The following RFC3 variants were observed in gnomAD, a reference collection of about 807,000 sequenced individuals.
The protein encoded by RFC3 is replication factor C subunit 3.
A neutral mutation model predicts 45.1 loss-of-function variants in RFC3; 41 were observed. The ratio of observed to expected loss-of-function variants is 0.91; its 90% CI spans 0.71 to 1.18. The LOEUF (loss-of-function observed/expected upper bound fraction) is 1.18. RFC3 is among the 50% of genes most tolerant of loss of function. RFC3 has a pLI of 0.00. For missense variants in RFC3, 423 were observed against 428.1 expected (o/e 0.99, Z 0.10); for synonymous variants, 149 against 144.0 (o/e 1.03, Z -0.25).
At chr13:33,932,451 C>G (rs1368754166) in intron 8 of RFC3, among the ~76,000 whole-genome samples, 1 of 151,998 alleles carries the variant, frequency 6.6e-6, no homozygotes, top group African/African-American at 2.4e-5. Flanking sequence ...TTTTTGTATG[C>G]CTTTATTTAT....
At chr13:33,883,538 C>A (rs7327091) in intron 8 of RFC3, among the ~76,000 whole-genome samples, 13 of 152,052 alleles carry the variant, frequency 8.5e-5, no homozygotes, top group Admixed American at 3.9e-4. Context: ...ACACTCACAC[C>A]TGAAACAATT....
At chr13:33,826,914 C>T (rs1003525701) in intron 4 of RFC3, among the ~76,000 whole-genome samples, 2 of 152,000 alleles carry the variant, frequency 1.3e-5, no homozygotes, top group Non-Finnish European at 2.9e-5. Flanking sequence ...GGAAGTAAAG[C>T]CTTAGTGTTT....
At chr13:33,841,831 A>G (rs745560136), downstream of RFC3, among the ~76,000 whole-genome samples, 2 of 152,122 alleles carry the variant, frequency 1.3e-5, no homozygotes, top group Non-Finnish European at 2.9e-5. Context: ...TGATATTTCT[A>G]GGGTCTCTAC....
intron 8 of RFC3, among the ~76,000 whole-genome samples, chr13:33,856,594 A>T (rs1297804466): frequency 1.3e-5 from 2 of 152,196 alleles, no homozygotes; most frequent in Non-Finnish European, 2.9e-5. Flanking sequence ...CAAGTCATGG[A>T]ATACAGACAA....
intron 8 of RFC3, among the ~76,000 whole-genome samples, chr13:33,898,984 A>G (rs2082619795): frequency 1.3e-5 from 2 of 151,730 alleles, no homozygotes. Flanking sequence ...CAAACCAATA[A>G]CAAGTAATGA....
intron 8 of RFC3, among the ~76,000 whole-genome samples, chr13:33,955,248 A>C (rs559150171): frequency 6.6e-6 from 1 of 152,368 alleles, no homozygotes; most frequent in Non-Finnish European, 1.5e-5. Context: ...GTGAAATTCT[A>C]CAAACTAACC....
chr13:33,885,231 A>G (rs750711330), intron 8 of RFC3, among the ~76,000 whole-genome samples: 1 of 152,194 alleles, frequency 6.6e-6, no homozygotes, highest in Non-Finnish European at 1.5e-5. Context: ...ATATTATCAC[A>G]TCATAGAATA....
intron 8 of RFC3, among the ~76,000 whole-genome samples, chr13:33,876,007 T>C (rs1051114058): frequency 1.3e-5 from 2 of 152,216 alleles, no homozygotes; most frequent in African/African-American, 4.8e-5. Flanking sequence ...TTGATTTTGA[T>C]TATCCTAAGC....
rs1160986521 is a variant in RFC3 at position 33,925,688 on chromosome 13, T to TACAC, written c.880-40398_880-40397insCACA. ...ACAATTAAGTTAGTGTGTATGTATATATACACACACACACACACACATATA... is the reference window on the plus strand; with the variant it reads ...ACAATTAAGTTAGTGTGTATGTATATACACATACACACACACACACACACATATA... On this transcript the variant is annotated intron_variant, in intron 8 of 8. Transcript: ENST00000434425. 2.5e-3 allele frequency among the ~76,000 whole-genome samples: 352 copies of TACAC among 138,382 alleles called. 3 individuals carry two copies. Among genetic ancestry groups the TACAC allele is most frequent in the African/African-American group, 9.6e-3 (322 of 33,378 alleles). 90.8% of individuals were successfully genotyped at this position (138,382 alleles called of 152,430 possible).
At chr13:33,835,761 C>G (rs1419813059) in intron 8 of RFC3, among the ~76,000 whole-genome samples, 1 of 152,100 alleles carries the variant, frequency 6.6e-6, no homozygotes, top group Non-Finnish European at 1.5e-5. Context: ...CATAGCTTTT[C>G]CGAATATGAC....
intron 8 of RFC3, among the ~76,000 whole-genome samples, chr13:33,952,136 G>C (rs563220762): frequency 6.6e-6 from 1 of 152,336 alleles, no homozygotes; most frequent in East Asian, 1.9e-4. Flanking sequence ...TCATGGTTTA[G>C]CTTGTTTATG....
chr13:33,899,077 AAAG>A (rs2082620424), intron 8 of RFC3, among the ~76,000 whole-genome samples: 1 of 151,712 alleles, frequency 6.6e-6, no homozygotes. Context: ...CCAAACATTT[AAAG>A]AAGAACTAAC....
In RFC3 at chr13:33,836,380, GAACTT is replaced by G; in HGVS notation, c.*88_*92del. 6.5e-7 allele frequency: 1 copy of G among 1,529,360 alleles called. No individual in the cohort carries two copies. The highest frequency in any genetic ancestry group is 2.3e-5 in the East Asian group (1 of 44,010). 94.7% of individuals were successfully genotyped at this position (1,529,360 alleles called of 1,614,324 possible). A position where few individuals can be genotyped will look rare whatever the true frequency, so the allele number is the denominator to read the frequency against. Reference sequence around the variant, plus strand: ...TAAAAGAGCTGTGGGTAAATTAACTGAACTTAATCATGTCGTATTTGCGTTTTTTT... The same window carrying G: ...TAAAAGAGCTGTGGGTAAATTAACTGAATCATGTCGTATTTGCGTTTTTTT... On this transcript the variant is annotated 3_prime_UTR_variant, in exon 9 of 9. Transcript: ENST00000380071.
intron 8 of RFC3, among the ~76,000 whole-genome samples, chr13:33,887,332 A>T (rs1303831283): frequency 4.4e-4 from 66 of 151,424 alleles, no homozygotes; most frequent in Middle Eastern, 3.4e-3. Context: ...CCATTCTAAC[A>T]GGTGTGAGAT....
intron 8 of RFC3, among the ~76,000 whole-genome samples, chr13:33,908,607 TACACACACACACAC>T (rs71074991): frequency 6.3e-5 from 9 of 142,696 alleles, no homozygotes; most frequent in African/African-American, 1.3e-4. Context: ...ACACAGGAGA[TACACACACACACAC>T]ACACACACAC....
Position 33,882,042 on chromosome 13 carries a change from G to A in RFC3, c.879+46825G>A, listed in dbSNP as rs533729124. On this transcript the variant is annotated intron_variant, in intron 8 of 8. Coordinates refer to the RFC3 transcript ENST00000434425. ...TCTTAGCTAACTTCTCTGCAAATTG[G>A]GGGGAACTTTTTGTTTTGTTTTCAT... Among the ~76,000 whole-genome samples, 73 of 152,178 alleles carry A rather than the reference G, an allele frequency of 4.8e-4. 2 individuals are homozygous for A. In the South Asian group the frequency reaches 0.015, roughly 31 times the overall value.
rs779890661 is a variant in RFC3 at position 33,891,917 on chromosome 13, G to A, written c.879+56700G>A. 3.4e-4 allele frequency among the ~76,000 whole-genome samples: 52 copies of A among 152,064 alleles called. 1 individual carries two copies. The Middle Eastern group carries it at 0.027, about 80-fold the overall frequency. On this transcript the variant is annotated intron_variant, in intron 8 of 8. Coordinates refer to the RFC3 transcript ENST00000434425. ...TCAGAGGAATGCAAGGAAAATTAAC[G>A]AGACATCAGAAAATAATTTCTAGGC...
intron 8 of RFC3, among the ~76,000 whole-genome samples, chr13:33,926,839 G>A (rs1259414050): frequency 1.3e-5 from 2 of 150,900 alleles, no homozygotes; most frequent in South Asian, 2.1e-4. Flanking sequence ...ATAGGCCTAT[G>A]CTTTGATTAT....
intron 8 of RFC3, among the ~76,000 whole-genome samples, chr13:33,881,696 G>A (rs916429399): frequency 6.6e-6 from 1 of 151,886 alleles, no homozygotes; most frequent in African/African-American, 2.4e-5. Flanking sequence ...CGTTCCCTCT[G>A]TCCCTGTTCT....
Sources: allele counts gnomAD v4.1 joint callset (sites outside exome capture counted in the v4.1 genomes callset), GRCh38; gene constraint gnomAD v4.1.1; transcripts MANE v1.5; gene names NCBI Gene and HGNC (gene_info 2026-07-23, HGNC 2026-07-21).